The following ERBB4 variants were observed in gnomAD, a reference collection of about 807,000 sequenced individuals.
ERBB4 encodes erb-b2 receptor tyrosine kinase 4, also known as receptor tyrosine-protein kinase erbB-4.
Under a neutral mutation model 158.0 loss-of-function variants are expected in ERBB4, and 42 were observed. The observed-to-expected ratio is 0.27, with a 90% CI of 0.21 to 0.34. The LOEUF is 0.34. Ranked by LOEUF, ERBB4 falls within the 10% of genes least tolerant of loss-of-function variation. ERBB4 has a pLI of 1.00. For synonymous variants in ERBB4, 583 were observed against 558.7 expected (o/e 1.04, Z -0.61); for missense variants, 1,333 against 1,624.1 (o/e 0.82, Z 3.08).
intron 1 of ERBB4, among the ~76,000 whole-genome samples, chr2:212,245,186 C>T (rs2084264442): frequency 6.6e-6 from 1 of 151,982 alleles, no homozygotes; most frequent in South Asian, 2.1e-4. Flanking sequence ...TTGAAAACAT[C>T]TGTAAAAAGA....
intron 20 of ERBB4, among the ~76,000 whole-genome samples, chr2:211,480,817 G>A (rs936005166): frequency 6.6e-6 from 1 of 152,130 alleles, no homozygotes; most frequent in Non-Finnish European, 1.5e-5. Flanking sequence ...TCTTTTGAGG[G>A]AAGTAGCTTC....
chr2:212,510,651 T>G (rs965459712), intron 1 of ERBB4, among the ~76,000 whole-genome samples: 1 of 152,040 alleles, frequency 6.6e-6, no homozygotes, highest in Non-Finnish European at 1.5e-5. Flanking sequence ...TGTGAGTAGA[T>G]AGAATAACAG....
Position 211,866,183 on chromosome 2 carries a change from G to A in ERBB4, c.422-78024C>T, listed in dbSNP as rs375398975. 2.1e-3 allele frequency among the ~76,000 whole-genome samples: 321 copies of A among 152,206 alleles called. 1 individual carries two copies. Among genetic ancestry groups the A allele is most frequent in the Middle Eastern group, 0.01 (3 of 294 alleles). ...GGAGAATCGCCTGTACCCGGGAGGC[G>A]GGGCTTGCAGTGAGCCAAGATCACG... is the stretch of plus-strand genomic sequence containing the variant. On this transcript the variant is annotated intron_variant, in intron 3 of 27. Coordinates refer to ENST00000342788, the MANE Select transcript of ERBB4 (RefSeq NM_005235.3).
At chr2:212,030,019 C>T (rs898567178) in intron 2 of ERBB4, among the ~76,000 whole-genome samples, 2 of 152,246 alleles carry the variant, frequency 1.3e-5, no homozygotes, top group African/African-American at 2.4e-5. Context: ...GACTATTTCA[C>T]ATAAATAGCA....
intron 1 of ERBB4, among the ~76,000 whole-genome samples, chr2:212,129,247 A>C (rs994889367): frequency 6.6e-6 from 1 of 151,592 alleles, no homozygotes; most frequent in Non-Finnish European, 1.5e-5. Context: ...AATATAAAAA[A>C]TCAATAGGTA....
chr2:212,293,066 C>T (rs1338997457), intron 1 of ERBB4, among the ~76,000 whole-genome samples: 2 of 151,992 alleles, frequency 1.3e-5, no homozygotes, highest in Non-Finnish European at 2.9e-5. Flanking sequence ...GCCTAATCTA[C>T]TGACAGTAGC....
chr2:212,441,448 A>G (rs1233037697), intron 1 of ERBB4, among the ~76,000 whole-genome samples: 2 of 152,198 alleles, frequency 1.3e-5, no homozygotes, highest in African/African-American at 2.4e-5. Context: ...ACCTATAACT[A>G]GACTAAGTTC....
intron 2 of ERBB4, among the ~76,000 whole-genome samples, chr2:212,000,843 A>C (rs2125278546): frequency 6.6e-6 from 1 of 152,038 alleles, no homozygotes; most frequent in African/African-American, 2.4e-5. Flanking sequence ...ATGCAGTATT[A>C]TCTCAGGACA....
At chr2:212,481,765 A>C (rs527670756) in intron 1 of ERBB4, among the ~76,000 whole-genome samples, 68 of 152,330 alleles carry the variant, frequency 4.5e-4, no homozygotes, top group Admixed American at 4.6e-4. Flanking sequence ...CTCAAAGATG[A>C]AGTACCCACA....
intron 1 of ERBB4, among the ~76,000 whole-genome samples, chr2:212,138,089 G>A (rs992035542): frequency 2.6e-5 from 4 of 152,048 alleles, no homozygotes; most frequent in Admixed American, 6.6e-5. Flanking sequence ...AATAATAATA[G>A]TATACAAATT....
intron 2 of ERBB4, among the ~76,000 whole-genome samples, chr2:211,970,826 A>C (rs557358056): frequency 2.6e-5 from 4 of 152,116 alleles, no homozygotes; most frequent in Non-Finnish European, 5.9e-5. Context: ...TTGGTTCCTT[A>C]TCCAGATTGC....
At chr2:211,911,986 A>G (rs1559083439) in intron 3 of ERBB4, among the ~76,000 whole-genome samples, 1 of 152,096 alleles carries the variant, frequency 6.6e-6, no homozygotes, top group Non-Finnish European at 1.5e-5. Context: ...ATCTAGGGAA[A>G]CACACCAGCC....
chr2:211,525,261 TC>T (rs1304113262), intron 20 of ERBB4, among the ~76,000 whole-genome samples: 5 of 151,976 alleles, frequency 3.3e-5, no homozygotes, highest in Admixed American at 6.5e-5. Context: ...ACAAAAAAGC[TC>T]ATGACTCCAT....
intron 16 of ERBB4, among the ~76,000 whole-genome samples, chr2:211,649,779 T>G (rs2105878611): frequency 6.6e-6 from 1 of 152,004 alleles, no homozygotes; most frequent in South Asian, 2.1e-4. Context: ...TTATTAGAGG[T>G]GAGGTTCCCT....
chr2:212,419,104 A>AT (rs34453056), intron 1 of ERBB4, among the ~76,000 whole-genome samples: 27,274 of 146,070 alleles, frequency 0.19, 2,842 homozygotes, highest in Non-Finnish European at 0.25. Context: ...CTCTTCCTTC[A>AT]TTTTTTTTTT....
intron 25 of ERBB4, among the ~76,000 whole-genome samples, chr2:211,392,948 C>T (rs574893654): frequency 6.6e-6 from 1 of 152,222 alleles, no homozygotes; most frequent in African/African-American, 2.4e-5. Flanking sequence ...AGCCACCGCG[C>T]CCGGCTGGCT....
rs548859527 is a variant in ERBB4, at chr2:211,704,187, C to A, written c.1206G>T (p.Leu402=). 4 of 1,602,306 alleles carry A rather than the reference C, an allele frequency of 2.5e-6. No homozygotes were observed. The East Asian group carries it at 6.7e-5, about 27-fold the overall frequency. Residue 402 remains leucine, a synonymous_variant, in exon 11 of 28, where the codon CTG becomes CTT. Transcript: ENST00000342788. ...FRTVREITGF[L]NIQSWPPNMT... ...TGTTTGGTGGCCATGACTGTATGTT[C>A]AGGAAACCTACAAGTGAAGAGTAGA...
chr2:211,779,025 A>G (rs1435681744), intron 4 of ERBB4: 1 of 152,158 alleles, frequency 6.6e-6, no homozygotes, highest in African/African-American at 2.4e-5. Flanking sequence ...ATTCTGGAAA[A>G]AAGGAATCGT....
At chr2:211,887,308 A>C (rs978378409) in intron 3 of ERBB4, among the ~76,000 whole-genome samples, 8 of 152,046 alleles carry the variant, frequency 5.3e-5, no homozygotes, top group African/African-American at 1.9e-4. Context: ...GAAAAAAAAA[A>C]CAAGTAGTGA....
Sources: gnomAD v4.1 joint callset for allele counts (sites outside exome capture counted in the v4.1 genomes callset) on GRCh38, gnomAD v4.1.1 for gene constraint, MANE v1.5 for transcripts, NCBI Gene and HGNC (gene_info 2026-07-23, HGNC 2026-07-21) for gene names.